Variants in NEK1 observed in about 807,000 individuals in gnomAD.
NEK1 encodes the protein NIMA related kinase 1, also known as serine/threonine-protein kinase Nek1.
NEK1 carries 137 observed loss-of-function variants against 182.1 expected under a neutral mutation model. The ratio of observed to expected loss-of-function variants is 0.75; its 90% CI spans 0.65 to 0.87. The LOEUF (loss-of-function observed/expected upper bound fraction) is 0.87. Ranked by LOEUF, NEK1 falls within the 40% of genes least tolerant of loss-of-function variation. The probability of loss-of-function intolerance (pLI) is 0.00; values close to 1 mark genes in which losing one functional copy is unlikely to be tolerated. For missense variants in NEK1, 1,391 were observed against 1,494.4 expected (o/e 0.93, Z 1.14); for synonymous variants, 513 against 492.2 (o/e 1.04, Z -0.56).
chr4:169,610,914 G>C (rs1284022473), intron 2 of NEK1, among the ~76,000 whole-genome samples: 1 of 152,184 alleles, frequency 6.6e-6, no homozygotes, highest in Non-Finnish European at 1.5e-5. Flanking sequence ...TTGAATAGTG[G>C]GAGGGGATCC....
intron 31 of NEK1, among the ~76,000 whole-genome samples, chr4:169,418,112 T>C (rs1734847708): frequency 6.6e-6 from 1 of 152,174 alleles, no homozygotes; most frequent in Non-Finnish European, 1.5e-5. Context: ...AGGTAGGAGA[T>C]GATCAAACTG....
At chr4:169,459,364 C>G (rs899036279) in intron 27 of NEK1, among the ~76,000 whole-genome samples, 16 of 151,956 alleles carry the variant, frequency 1.1e-4, no homozygotes, top group African/African-American at 3.6e-4. Context: ...CTAAAATAAC[C>G]AAAATCCAAA....
Position 169,575,273 on chromosome 4 carries a change from A to G in NEK1, c.1020+1655T>C, listed in dbSNP as rs144573523. Reference sequence around the variant, plus strand: ...CCCCTCAGCTCCAAATCTACTCTTCATTGTCCAGCTTGTGATGCTAGAGCT... The same window carrying G: ...CCCCTCAGCTCCAAATCTACTCTTCGTTGTCCAGCTTGTGATGCTAGAGCT... On this transcript the variant is annotated intron_variant, in intron 12 of 35. Transcript: ENST00000507142. Among the ~76,000 whole-genome samples, 816 of 152,318 alleles carry G rather than the reference A, an allele frequency of 5.4e-3. 24 individuals are homozygous for G. Among genetic ancestry groups the G allele is most frequent in the Non-Finnish European group, 2.1e-3 (145 of 68,016 alleles).
chr4:169,524,231 G>A (rs1023063109), intron 19 of NEK1, among the ~76,000 whole-genome samples: 3 of 151,988 alleles, frequency 2.0e-5, no homozygotes, highest in African/African-American at 2.4e-5. Flanking sequence ...TGAATGGGCC[G>A]GGCACAGTGG....
chr4:169,541,880 C>T (rs1759483475), intron 18 of NEK1, among the ~76,000 whole-genome samples: 1 of 152,168 alleles, frequency 6.6e-6, no homozygotes, highest in Admixed American at 6.5e-5. Flanking sequence ...GATGATCCAA[C>T]CTTTGAACAG....
intron 19 of NEK1, among the ~76,000 whole-genome samples, chr4:169,536,963 GA>G (rs1342447229): frequency 6.6e-6 from 1 of 152,108 alleles, no homozygotes; most frequent in Non-Finnish European, 1.5e-5. Context: ...ATGTTTCTAT[GA>G]CATTGTTTCA....
chr4:169,560,762 A>G (rs2149938398), intron 16 of NEK1, among the ~76,000 whole-genome samples: 1 of 152,250 alleles, frequency 6.6e-6, no homozygotes, highest in South Asian at 2.1e-4. Context: ...GACAGGTTCC[A>G]GGCACTGTTC....
rs1762048536 is a variant in NEK1, at chr4:169,555,612, C to A, written c.1562+108G>T. ...ATTGTACCCAAGAGGCAAAAAACAT[C>A]ATATGTGAACAATGGAGAAAACATC... On this transcript the variant is annotated intron_variant, in intron 18 of 35. Transcript: ENST00000507142. 2.1e-6 allele frequency: 3 copies of A among 1,453,712 alleles called. No homozygotes were observed. In the African/African-American group the frequency reaches 4.2e-5, roughly 20 times the overall value. The allele number at this position is 1,453,712 out of a possible 1,614,324, so 90.1% of individuals were successfully genotyped here.
chr4:169,503,770 A>T (rs766868092), intron 23 of NEK1, among the ~76,000 whole-genome samples: 2 of 152,128 alleles, frequency 1.3e-5, no homozygotes, highest in African/African-American at 2.4e-5. Context: ...GAAACTACTA[A>T]AAGAAAACAC....
At chr4:169,601,977 T>A in intron 4 of NEK1, 31 bp downstream of exon 4, 4 of 1,473,688 alleles carry the variant, frequency 2.7e-6, no homozygotes, top group Non-Finnish European at 3.8e-6. Flanking sequence ...TGTCTTAGGA[T>A]TTTTTAACTC....
In NEK1 at chr4:169,405,005, G is replaced by C. The variant is rs146331624; in HGVS notation, c.3374+1591C>G. ...CACACACACATGAACAAAACTGGTC[G>C]ACCTGCTAACTCCCCATTGGCATGG... is the stretch of plus-strand genomic sequence containing the variant. On this transcript the variant is annotated intron_variant, in intron 32 of 35. Transcript: ENST00000507142. Among the ~76,000 whole-genome samples the C allele has an allele frequency of 2.0e-5, 3 of 152,192 alleles. No homozygotes were observed. In the East Asian group the frequency reaches 5.8e-4, roughly 29 times the overall value.
chr4:169,486,273 C>T (rs1446672486), intron 23 of NEK1, among the ~76,000 whole-genome samples: 1 of 152,176 alleles, frequency 6.6e-6, no homozygotes, highest in East Asian at 1.9e-4. Flanking sequence ...TCAATTATCG[C>T]TGTAAAACTG....
chr4:169,469,524 G>C (rs1302146568), intron 26 of NEK1, among the ~76,000 whole-genome samples: 1 of 152,164 alleles, frequency 6.6e-6, no homozygotes, highest in Admixed American at 6.5e-5. Context: ...TTGCTGAGGA[G>C]TGTTTTACTT....
At chr4:169,545,203 C>G (rs111598985) in intron 18 of NEK1, among the ~76,000 whole-genome samples, 1 of 119,576 alleles carries the variant, frequency 8.4e-6, no homozygotes, top group Non-Finnish European at 1.7e-5. Flanking sequence ...TCCCTCCCCC[C>G]TCCCCCCACC....
intron 23 of NEK1, among the ~76,000 whole-genome samples, chr4:169,486,044 TCAAAA>T (rs895730175): frequency 2.6e-4 from 39 of 152,192 alleles, no homozygotes; most frequent in Non-Finnish European, 5.3e-4. Flanking sequence ...AGACCCTGTT[TCAAAA>T]CAAAACAAAA....
chr4:169,561,807 T>C (rs766345155), intron 14 of NEK1, 25 bp downstream of exon 14: 60 of 1,606,708 alleles, frequency 3.7e-5, no homozygotes, highest in Non-Finnish European at 5.0e-5. Context: ...TTGCCAAAGG[T>C]AGAAAAACAA....
In NEK1 at chr4:169,464,576, G is replaced by A. The variant is rs769474356; in HGVS notation, c.2435-1181C>T. ...GGTACTCAAAAGTTTCAGATTTTGG[G>A]GCATTTTGGATTTCAGATTTTGGAT... On this transcript the variant is annotated intron_variant, in intron 26 of 35. Coordinates refer to ENST00000507142, the MANE Select transcript of NEK1 (RefSeq NM_001199397.3). Among the ~76,000 whole-genome samples the A allele has an allele frequency of 1.6e-4, 24 of 152,056 alleles. No homozygotes were observed. In the Middle Eastern group the frequency reaches 0.031, roughly 194 times the overall value.
intron 28 of NEK1, 25 bp from the exon 29 acceptor site, chr4:169,433,690 G>C (rs768336151): frequency 1.9e-6 from 3 of 1,607,900 alleles, no homozygotes; most frequent in South Asian, 1.1e-5. Flanking sequence ...CGTAACGAGA[G>C]ACATCTCAAA....
chr4:169,581,191 T>C (rs770054611), intron 10 of NEK1, among the ~76,000 whole-genome samples: 3 of 151,800 alleles, frequency 2.0e-5, no homozygotes, highest in Non-Finnish European at 4.4e-5. Flanking sequence ...ATTTTAAAAA[T>C]TAAGAAAAAT....
Sources: gnomAD v4.1 joint callset for allele counts (sites outside exome capture counted in the v4.1 genomes callset) on GRCh38, gnomAD v4.1.1 for gene constraint, MANE v1.5 for transcripts, NCBI Gene and HGNC (gene_info 2026-07-23, HGNC 2026-07-21) for gene names.